Variants in RSBN1L observed in about 807,000 individuals in gnomAD.
The protein encoded by RSBN1L is round spermatid basic protein 1 like, also known as lysine-specific demethylase RSBN1L.
In RSBN1L, 30 loss-of-function variants were observed where a neutral mutation model predicts 67.7. That is an observed-to-expected ratio of 0.44 (90% CI 0.33 to 0.60). The LOEUF (loss-of-function observed/expected upper bound fraction) is 0.60. Ranked by LOEUF, RSBN1L falls within the 20% of genes least tolerant of loss-of-function variation. The probability of loss-of-function intolerance (pLI) is 0.02; values close to 1 mark genes in which losing one functional copy is unlikely to be tolerated. For missense variants in RSBN1L, 992 were observed against 1,031.7 expected (o/e 0.96, Z 0.53); for synonymous variants, 433 against 387.0 (o/e 1.12, Z -1.39).
chr7:77,716,709 G>T (rs867362352), intron 1 of RSBN1L, among the ~76,000 whole-genome samples: 27 of 135,414 alleles, frequency 2.0e-4, no homozygotes, highest in African/African-American at 7.6e-4. Flanking sequence ...TTGGCTCACT[G>T]CAGTCTCCGC....
chr7:77,764,722 G>T (rs1460655817), intron 3 of RSBN1L, among the ~76,000 whole-genome samples: 6 of 151,936 alleles, frequency 3.9e-5, no homozygotes, highest in Non-Finnish European at 8.8e-5. Context: ...CGCCACCCAG[G>T]TTCACGCCAT....
intron 1 of RSBN1L, among the ~76,000 whole-genome samples, chr7:77,705,363 G>A (rs945270978): frequency 2.0e-5 from 3 of 151,968 alleles, no homozygotes; most frequent in Non-Finnish European, 2.9e-5. Context: ...GATTAAATTC[G>A]AGTTAAACAA....
rs551530097 is a variant in RSBN1L, at chr7:77,741,199, C to T, written c.703+4673C>T. 7.0e-4 allele frequency among the ~76,000 whole-genome samples: 106 copies of T among 151,546 alleles called. 2 individuals are homozygous for T. In the South Asian group the frequency reaches 0.021, roughly 30 times the overall value. ...ATGGGGTTTTACCATGTTGGCCAGG[C>T]TGGTCTCGAACTCCTGACCTCAAGC... On this transcript the variant is annotated intron_variant, in intron 2 of 7. Coordinates refer to ENST00000334955, the MANE Select transcript of RSBN1L (RefSeq NM_198467.3).
Position 77,696,606 on chromosome 7 carries a change from G to T in RSBN1L, c.137G>T (p.Arg46Leu), listed in dbSNP as rs758444550. 2 of 1,614,092 alleles carry T rather than the reference G, an allele frequency of 1.2e-6. No homozygotes were observed. The highest frequency in any genetic ancestry group is 2.2e-5 in the South Asian group (2 of 91,090). The change falls in exon 1 of 8, where the codon CGG (arginine) becomes CTG (leucine). Residue 46 changes from arginine (R) to leucine (L), a missense_variant. Arg to Leu is a moderately radical substitution (Grantham distance 102, BLOSUM62 -2). Transcript: ENST00000334955. ...PPGSLSAKKV[R>L]TEEKKAPRRV... is the part of the protein sequence containing the mutation. ...GGTTCTCTGTCCGCCAAGAAGGTCC[G>T]GACTGAGGAGAAGAAGGCACCGCGG...
chr7:77,782,545 T>C lies in RSBN1L; in HGVS notation c.*3377T>C, dbSNP rs1315265543. On this transcript the variant is annotated 3_prime_UTR_variant, in exon 8 of 8. Coordinates refer to ENST00000334955, the MANE Select transcript of RSBN1L (RefSeq NM_198467.3). ...CAAACTTTACTGAAGCCATATTCATTATCTTCCTTGTCACCAAGGCTGTTG... is the reference window on the plus strand; with the variant it reads ...CAAACTTTACTGAAGCCATATTCATCATCTTCCTTGTCACCAAGGCTGTTG... The C allele has an allele frequency of 6.6e-6, 1 of 152,226 alleles. No individual in the cohort carries two copies. The highest frequency in any genetic ancestry group is 2.4e-5 in the African/African-American group (1 of 41,452). 9.4% of individuals were successfully genotyped at this position (152,226 alleles called of 1,614,324 possible).
intron 3 of RSBN1L, among the ~76,000 whole-genome samples, chr7:77,753,691 A>G (rs1320678337): frequency 2.0e-5 from 3 of 152,218 alleles, no homozygotes; most frequent in African/African-American, 4.8e-5. Context: ...CCTACCACAA[A>G]GTCATTAATA....
At chr7:77,735,068 A>G (rs77527045) in intron 1 of RSBN1L, among the ~76,000 whole-genome samples, 3,026 of 152,090 alleles carry the variant, frequency 0.02, 84 homozygotes, top group African/African-American at 0.068. Context: ...AAAAAAAACA[A>G]AAAACACTTT....
In RSBN1L at chr7:77,696,744, C is replaced by A; in HGVS notation, c.275C>A (p.Ser92Tyr). 1.9e-6 allele frequency: 3 copies of A among 1,613,768 alleles called. No individual in the cohort carries two copies. The highest frequency in any genetic ancestry group is 2.5e-6 in the Non-Finnish European group (3 of 1,179,978). The change falls in exon 1 of 8, where the codon TCT becomes TAT. Residue 92 changes from serine to tyrosine, a missense_variant. Ser to Tyr is a moderately radical substitution (Grantham distance 144, BLOSUM62 -2). Coordinates refer to ENST00000334955, the MANE Select transcript of RSBN1L (RefSeq NM_198467.3). Reference protein sequence around the residue: ...SPASWSFAPLSAAPSPSSSRS... With the variant: ...SPASWSFAPLYAAPSPSSSRS... ...GCGTCTTGGAGCTTTGCCCCTCTGT[C>A]TGCTGCTCCCTCCCCGTCCTCTTCT...
At chr7:77,770,123 A>G (rs1791826942) in intron 5 of RSBN1L, among the ~76,000 whole-genome samples, 1 of 152,220 alleles carries the variant, frequency 6.6e-6, no homozygotes, top group African/African-American at 2.4e-5. Flanking sequence ...CTGTAATCCC[A>G]GCACTTTGGG....
rs756971885 is a variant in RSBN1L at position 77,779,207 on chromosome 7, TTAATG to T, written c.*44_*48del. On this transcript the variant is annotated 3_prime_UTR_variant, in exon 8 of 8. Coordinates refer to ENST00000334955, the MANE Select transcript of RSBN1L (RefSeq NM_198467.3). ...ATCTAAAATCCTTTTTTAAAAAAAT[TTAATG>T]TAATAAAGATTCATGAATTCTGAAA... 6 of 1,391,052 alleles carry T rather than the reference TTAATG, an allele frequency of 4.3e-6. No individual in the cohort carries two copies. In the Admixed American group the frequency reaches 1.2e-4, roughly 27 times the overall value. The allele number at this position is 1,391,052 out of a possible 1,614,324, so 86.2% of individuals were successfully genotyped here.
At chr7:77,754,241 C>T (rs1461362869) in intron 3 of RSBN1L, among the ~76,000 whole-genome samples, 1 of 152,152 alleles carries the variant, frequency 6.6e-6, no homozygotes, top group Non-Finnish European at 1.5e-5. Context: ...GGTTTGCCAG[C>T]TTTGTTCTTC....
intron 3 of RSBN1L, among the ~76,000 whole-genome samples, chr7:77,750,488 CA>C (rs889589548): frequency 6.6e-6 from 1 of 151,720 alleles, no homozygotes; most frequent in African/African-American, 2.4e-5. Flanking sequence ...AAATGTTGGC[CA>C]TTAAAAATAT....
intron 1 of RSBN1L, among the ~76,000 whole-genome samples, chr7:77,714,732 G>A (rs1283192847): frequency 6.6e-5 from 10 of 151,886 alleles, no homozygotes; most frequent in Non-Finnish European, 1.3e-4. Context: ...GGAGGCTGAG[G>A]CGGGCCGATC....
intron 1 of RSBN1L, among the ~76,000 whole-genome samples, chr7:77,730,589 C>G (rs1791260757): frequency 6.6e-6 from 1 of 152,178 alleles, no homozygotes; most frequent in Non-Finnish European, 1.5e-5. Context: ...AACCACTGAT[C>G]TTTTTATTTA....
chr7:77,745,476 G>C (rs910778310), intron 2 of RSBN1L, among the ~76,000 whole-genome samples: 1 of 152,148 alleles, frequency 6.6e-6, no homozygotes, highest in African/African-American at 2.4e-5. Context: ...TCATAGTGTT[G>C]ATTGACATAT....
intron 1 of RSBN1L, among the ~76,000 whole-genome samples, chr7:77,707,737 T>A (rs893018719): frequency 2.0e-5 from 3 of 152,198 alleles, no homozygotes; most frequent in Non-Finnish European, 4.4e-5. Flanking sequence ...TTTTTTTAAA[T>A]TATAGATGAC....
At chr7:77,719,662 G>A (rs1791090409) in intron 1 of RSBN1L, among the ~76,000 whole-genome samples, 1 of 152,166 alleles carries the variant, frequency 6.6e-6, no homozygotes, top group Non-Finnish European at 1.5e-5. Flanking sequence ...CTGCTCTGGA[G>A]ACCAATCTTT....
chr7:77,756,120 A>G (rs1791613433), intron 3 of RSBN1L, among the ~76,000 whole-genome samples: 1 of 151,998 alleles, frequency 6.6e-6, no homozygotes, highest in Non-Finnish European at 1.5e-5. Context: ...AATGGTGCAA[A>G]TCTGACTTTT....
Position 77,696,655 on chromosome 7 carries a change from C to G in RSBN1L, c.186C>G (p.Ser62Arg). Reference sequence around the variant, plus strand: ...GGAGAGTGAACGGAGAAGGGGGCAGCGGCGGGAACAGCAGGCAGCTGCAGC... The same window carrying G: ...GGAGAGTGAACGGAGAAGGGGGCAGGGGCGGGAACAGCAGGCAGCTGCAGC... Reference protein sequence around the residue: ...APRRVNGEGGSGGNSRQLQPP... With the variant: ...APRRVNGEGGRGGNSRQLQPP... The change falls in exon 1 of 8, where the codon AGC (serine) becomes AGG (arginine). Residue 62 changes from serine (S) to arginine (R), a missense_variant. By Grantham distance (110) the Ser-to-Arg change is moderately radical. Transcript: ENST00000334955. 1.9e-6 allele frequency: 3 copies of G among 1,612,492 alleles called. No individual in the cohort carries two copies. The highest frequency in any genetic ancestry group is 2.5e-6 in the Non-Finnish European group (3 of 1,179,526).
Sources: gnomAD v4.1 joint callset for allele counts (sites outside exome capture counted in the v4.1 genomes callset) on GRCh38, gnomAD v4.1.1 for gene constraint, MANE v1.5 for transcripts, NCBI Gene and HGNC (gene_info 2026-07-23, HGNC 2026-07-21) for gene names.